The following SLC24A3 variants were observed in gnomAD, a reference collection of about 807,000 sequenced individuals.
SLC24A3 encodes solute carrier family 24 member 3.
SLC24A3 carries 28 observed loss-of-function variants against 75.8 expected under a neutral mutation model. The observed-to-expected ratio is 0.37, with a 90% CI of 0.27 to 0.51. The LOEUF is 0.51. Among genes scored for constraint, SLC24A3 ranks in the 20% least tolerant of loss-of-function variants. The pLI is 0.94. For missense variants in SLC24A3, 663 were observed against 847.8 expected (o/e 0.78, Z 2.71); for synonymous variants, 372 against 334.1 (o/e 1.11, Z -1.24).
At chr20:19,528,688 T>C (rs2030241979) in intron 3 of SLC24A3, among the ~76,000 whole-genome samples, 1 of 152,200 alleles carries the variant, frequency 6.6e-6, no homozygotes, top group Admixed American at 6.5e-5. Flanking sequence ...CTCTGATTGC[T>C]GCTGTTTTGT....
chr20:19,680,671 G>C (rs2032603259), intron 9 of SLC24A3, among the ~76,000 whole-genome samples: 1 of 152,168 alleles, frequency 6.6e-6, no homozygotes. Flanking sequence ...CACGTTCCTA[G>C]AGAGTACAGG....
At chr20:19,708,508 G>A (rs1293595512) in intron 15 of SLC24A3, among the ~76,000 whole-genome samples, 3 of 152,060 alleles carry the variant, frequency 2.0e-5, no homozygotes, top group Non-Finnish European at 2.9e-5. Flanking sequence ...TCCTTCCCAC[G>A]CCCCCAGGGA....
At chr20:19,360,211 T>C (rs1985761382) in intron 2 of SLC24A3, among the ~76,000 whole-genome samples, 1 of 152,234 alleles carries the variant, frequency 6.6e-6, no homozygotes, top group Admixed American at 6.5e-5. Context: ...CATCTTATGT[T>C]TGCAGTCAGA....
At chr20:19,629,143 A>T (rs2031904214) in intron 6 of SLC24A3, among the ~76,000 whole-genome samples, 1 of 152,172 alleles carries the variant, frequency 6.6e-6, no homozygotes, top group Non-Finnish European at 1.5e-5. Context: ...ACACACACAC[A>T]CACAGACAAC....
At chr20:19,597,250 G>A (rs1222623787) in intron 6 of SLC24A3, among the ~76,000 whole-genome samples, 1 of 151,968 alleles carries the variant, frequency 6.6e-6, no homozygotes, top group Non-Finnish European at 1.5e-5. Flanking sequence ...AGCCAGGTGT[G>A]GTAGTTCACA....
chr20:19,584,909 A>C (rs2031273670), intron 4 of SLC24A3, 62 bp from the exon 5 acceptor site: 2 of 1,497,078 alleles, frequency 1.3e-6, no homozygotes. Flanking sequence ...CGGGTGTCAC[A>C]GTCACCTCTC....
intron 3 of SLC24A3, among the ~76,000 whole-genome samples, chr20:19,572,767 T>C (rs2031073225): frequency 6.6e-6 from 1 of 152,166 alleles, no homozygotes; most frequent in South Asian, 2.1e-4. Flanking sequence ...CTAGAATCAA[T>C]GAATGGTTCC....
At chr20:19,574,788 G>A (rs1446028972) in intron 3 of SLC24A3, among the ~76,000 whole-genome samples, 1 of 152,202 alleles carries the variant, frequency 6.6e-6, no homozygotes, top group Non-Finnish European at 1.5e-5. Flanking sequence ...ATGTTGAAGG[G>A]TAAGCAAAGT....
At chr20:19,484,819 G>C (rs1345087437) in intron 2 of SLC24A3, among the ~76,000 whole-genome samples, 1 of 152,106 alleles carries the variant, frequency 6.6e-6, no homozygotes, top group Non-Finnish European at 1.5e-5. Context: ...AAAGGGTTAT[G>C]ATGAAAAATT....
At chr20:19,417,031 A>T (rs932005444) in intron 2 of SLC24A3, among the ~76,000 whole-genome samples, 1 of 152,188 alleles carries the variant, frequency 6.6e-6, no homozygotes. Flanking sequence ...CAGGAATTAG[A>T]CAAATGAAGG....
chr20:19,446,435 G>A (rs1349885279), intron 2 of SLC24A3, among the ~76,000 whole-genome samples: 1 of 152,190 alleles, frequency 6.6e-6, no homozygotes, highest in African/African-American at 2.4e-5. Flanking sequence ...ATTTAAGCAG[G>A]TCTTGGATAT....
At chr20:19,605,418 C>A (rs765872725) in intron 6 of SLC24A3, among the ~76,000 whole-genome samples, 1 of 151,932 alleles carries the variant, frequency 6.6e-6, no homozygotes, top group Admixed American at 6.5e-5. Flanking sequence ...TTTTTCTTTT[C>A]TTTTCTTTAT....
chr20:19,598,527 C>G (rs1000724189), intron 6 of SLC24A3, among the ~76,000 whole-genome samples: 2 of 152,010 alleles, frequency 1.3e-5, no homozygotes, highest in Non-Finnish European at 2.9e-5. Context: ...AGTGCATATA[C>G]CTGAGTGCCA....
chr20:19,308,211 C>A (rs1984375903), intron 2 of SLC24A3, among the ~76,000 whole-genome samples: 1 of 152,140 alleles, frequency 6.6e-6, no homozygotes, highest in South Asian at 2.1e-4. Context: ...TTCTAACGGA[C>A]TCATAAAGCA....
chr20:19,547,608 G>T (rs2030622329), intron 3 of SLC24A3, among the ~76,000 whole-genome samples: 1 of 152,212 alleles, frequency 6.6e-6, no homozygotes, highest in Non-Finnish European at 1.5e-5. Flanking sequence ...CGTTCACTCG[G>T]CTGCTGTCAT....
At chr20:19,366,540 C>CTGACATGTTTT (rs1271709155) in intron 2 of SLC24A3, among the ~76,000 whole-genome samples, 2 of 152,182 alleles carry the variant, frequency 1.3e-5, no homozygotes, top group Non-Finnish European at 2.9e-5. Flanking sequence ...AGCCCTTACC[C>CTGACATGTTTT]TGACATGTTT....
intron 2 of SLC24A3, among the ~76,000 whole-genome samples, chr20:19,288,487 A>G (rs1374326703): frequency 6.6e-6 from 1 of 152,226 alleles, no homozygotes; most frequent in Non-Finnish European, 1.5e-5. Context: ...TCTGAAACAC[A>G]GGTAAAGGAT....
chr20:19,563,210 A>T (rs6075533), intron 3 of SLC24A3, among the ~76,000 whole-genome samples: 134,331 of 152,192 alleles, frequency 0.88, 59,452 homozygotes, highest in Middle Eastern at 0.95. Context: ...ATATGCATAT[A>T]ACATATATCT....
At chr20:19,315,140 C>T (rs979773456) in intron 2 of SLC24A3, among the ~76,000 whole-genome samples, 1 of 152,212 alleles carries the variant, frequency 6.6e-6, no homozygotes, top group Non-Finnish European at 1.5e-5. Context: ...TTACTGTGCT[C>T]AGATTCGCCT....
Sources: gnomAD v4.1 joint callset for allele counts (sites outside exome capture counted in the v4.1 genomes callset) on GRCh38, gnomAD v4.1.1 for gene constraint, MANE v1.5 for transcripts, NCBI Gene and HGNC (gene_info 2026-07-23, HGNC 2026-07-21) for gene names.